Variants in NAV2 observed in about 807,000 individuals in gnomAD.
NAV2 encodes the protein helicase, APC down-regulated 1.
A neutral mutation model predicts 223.2 loss-of-function variants in NAV2; 54 were observed. That is an observed-to-expected ratio of 0.24 (90% CI 0.19 to 0.30). The LOEUF is 0.30. Among genes scored for constraint, NAV2 ranks in the 10% least tolerant of loss-of-function variants. The pLI is 1.00. For missense variants in NAV2, 2,806 were observed against 3,147.5 expected (o/e 0.89, Z 2.60); for synonymous variants, 1,279 against 1,239.3 (o/e 1.03, Z -0.67).
At position 20,119,984 on chromosome 11, in the gene NAV2, T is replaced by A. The variant is rs1474434770; in HGVS notation, c.*1726T>A. On this transcript the variant is annotated 3_prime_UTR_variant, in exon 38 of 38. Transcript: ENST00000349880. The stretch of plus-strand genomic sequence containing the variant: ...AACCCAGTCTGCTGTGTCTTCAACA[T>A]ACTGGTATTTTCATTACAAAGTATG... The A allele has an allele frequency of 6.6e-6, 1 of 152,240 alleles. No homozygotes were observed. Among genetic ancestry groups the A allele is most frequent in the Non-Finnish European group, 1.5e-5 (1 of 68,032 alleles). 9.4% of individuals were successfully genotyped at this position (152,240 alleles called of 1,614,324 possible). A position where few individuals can be genotyped will look rare whatever the true frequency, so the allele number is the denominator to read the frequency against.
chr11:19,656,672 C>A (rs1471461677), intron 1 of NAV2, among the ~76,000 whole-genome samples: 1 of 152,188 alleles, frequency 6.6e-6, no homozygotes, highest in East Asian at 1.9e-4. Flanking sequence ...GACCCAGCCA[C>A]ACCCACATCA....
chr11:19,651,946 C>A (rs1590038939), intron 1 of NAV2, among the ~76,000 whole-genome samples: 1 of 152,094 alleles, frequency 6.6e-6, no homozygotes. Flanking sequence ...TTTCTTTAAA[C>A]CTTGAAGGAT....
intron 1 of NAV2, among the ~76,000 whole-genome samples, chr11:19,598,463 C>A (rs762777728): frequency 6.6e-6 from 1 of 152,170 alleles, no homozygotes; most frequent in Non-Finnish European, 1.5e-5. Flanking sequence ...CCTATTGTAC[C>A]TGGGAAGCTA....
At chr11:20,007,229 T>G (rs1473311023) in intron 11 of NAV2, among the ~76,000 whole-genome samples, 1 of 152,218 alleles carries the variant, frequency 6.6e-6, no homozygotes, top group African/African-American at 2.4e-5. Flanking sequence ...GATTACAGAC[T>G]TGAGCCACTG....
chr11:20,079,422 A>G (rs188867568), intron 24 of NAV2, among the ~76,000 whole-genome samples: 7 of 152,310 alleles, frequency 4.6e-5, no homozygotes, highest in African/African-American at 1.7e-4. Context: ...CCCTACAACT[A>G]GTGTTCTCAA....
chr11:19,643,885 T>C (rs1428633963), intron 1 of NAV2, among the ~76,000 whole-genome samples: 1 of 152,238 alleles, frequency 6.6e-6, no homozygotes, highest in Admixed American at 6.5e-5. Flanking sequence ...TATCTCATTG[T>C]GGTTTTGATT....
At chr11:19,762,807 T>C (rs1328626382) in intron 1 of NAV2, among the ~76,000 whole-genome samples, 4 of 151,656 alleles carry the variant, frequency 2.6e-5, no homozygotes, top group Non-Finnish European at 5.9e-5. Flanking sequence ...AGAGACGGGG[T>C]TTCACCATGT....
At position 20,093,148 on chromosome 11, in the gene NAV2, C is replaced by T; in HGVS notation, c.5865C>T (p.Gly1955=). Residue 1955 remains glycine (G), a synonymous_variant, in exon 29 of 38, where the codon GGC becomes GGT. Transcript: ENST00000349880. ...TGECSARKEG[G]RHVKIVVSFQ... ...AATGCTCGGCTCGGAAGGAAGGAGGCAGGCATGTTAAGATAGTTGTCAGCT... is the reference window on the plus strand; with the variant it reads ...AATGCTCGGCTCGGAAGGAAGGAGGTAGGCATGTTAAGATAGTTGTCAGCT... 1 of 1,614,032 alleles carries T rather than the reference C, an allele frequency of 6.2e-7. No individual in the cohort carries two copies. The highest frequency in any genetic ancestry group is 8.5e-7 in the Non-Finnish European group (1 of 1,179,966).
chr11:20,016,504 A>T (rs186468570), intron 11 of NAV2, among the ~76,000 whole-genome samples: 10 of 152,374 alleles, frequency 6.6e-5, no homozygotes, highest in Admixed American at 4.6e-4. Flanking sequence ...TAACCAACAA[A>T]AGGTAACAGA....
chr11:19,696,632 T>C (rs1471220261), intron 1 of NAV2, among the ~76,000 whole-genome samples: 1 of 152,254 alleles, frequency 6.6e-6, no homozygotes, highest in African/African-American at 2.4e-5. Flanking sequence ...TTCTTGATGA[T>C]AGTGGCTGGC....
intron 1 of NAV2, among the ~76,000 whole-genome samples, chr11:19,461,390 T>C (rs1023573183): frequency 1.3e-5 from 2 of 152,234 alleles, no homozygotes; most frequent in African/African-American, 4.8e-5. Context: ...AACTTGGGTT[T>C]ATGCATAAGC....
At chr11:19,886,144 A>ATT (rs35749323) in intron 5 of NAV2, among the ~76,000 whole-genome samples, 77 of 143,598 alleles carry the variant, frequency 5.4e-4, no homozygotes, top group East Asian at 3.7e-3. Flanking sequence ...TACCCAGCTA[A>ATT]TTTTTTTTTT....
chr11:19,864,661 C>G (rs557386264), intron 3 of NAV2, among the ~76,000 whole-genome samples: 1 of 152,334 alleles, frequency 6.6e-6, no homozygotes, highest in Admixed American at 6.5e-5. Flanking sequence ...CCCTGCAAGT[C>G]TAAAGGTCAG....
chr11:19,855,019 C>T (rs548105769), intron 3 of NAV2, among the ~76,000 whole-genome samples: 1 of 152,206 alleles, frequency 6.6e-6, no homozygotes, highest in Non-Finnish European at 1.5e-5. Context: ...AGAACACTTC[C>T]TATTGTGTTC....
intron 5 of NAV2, among the ~76,000 whole-genome samples, chr11:19,887,442 A>G (rs1231453390): frequency 6.6e-6 from 1 of 152,022 alleles, no homozygotes; most frequent in East Asian, 1.9e-4. Flanking sequence ...CCACTTACTG[A>G]TGGTGTTACC....
chr11:19,696,406 A>C (rs923729272), intron 1 of NAV2, among the ~76,000 whole-genome samples: 3 of 152,248 alleles, frequency 2.0e-5, no homozygotes, highest in Admixed American at 2.0e-4. Flanking sequence ...TGACCTGCCC[A>C]AAAATCTATC....
intron 1 of NAV2, among the ~76,000 whole-genome samples, chr11:19,592,207 T>C (rs2046080519): frequency 6.6e-6 from 1 of 152,114 alleles, no homozygotes; most frequent in African/African-American, 2.4e-5. Flanking sequence ...TTCATCTGCA[T>C]CTTCCTCTGG....
rs199509637 is a variant in NAV2 at position 19,959,873 on chromosome 11, C to CT, written c.2645+10793_2645+10794insT. Among the ~76,000 whole-genome samples, 247 of 152,106 alleles carry CT rather than the reference C, an allele frequency of 1.6e-3. 2 individuals carry two copies. The Middle Eastern group carries it at 0.024, about 15-fold the overall frequency. On this transcript the variant is annotated intron_variant, in intron 10 of 37. Coordinates refer to ENST00000349880, the MANE Select transcript of NAV2 (RefSeq NM_145117.5). ...TTAGCAAGGTGCTCCTTCTTCCCCCCCCACCATCTGGACTGTCTGCTGTCT... is the reference window on the plus strand; with the variant it reads ...TTAGCAAGGTGCTCCTTCTTCCCCCCTCCACCATCTGGACTGTCTGCTGTCT...
rs1001134002 is a variant in NAV2, at chr11:19,713,251, G to A, written c.-445G>A. 31 of 944,916 alleles carry A rather than the reference G, an allele frequency of 3.3e-5. No individual in the cohort carries two copies. The highest frequency in any genetic ancestry group is 2.5e-4 in the South Asian group (5 of 20,312). 58.5% of individuals were successfully genotyped at this position (944,916 alleles called of 1,614,324 possible). On this transcript the variant is annotated 5_prime_UTR_variant, in exon 1 of 38. Coordinates refer to ENST00000349880, the MANE Select transcript of NAV2 (RefSeq NM_145117.5). The surrounding 1 kb of genome is among the most constrained non-coding windows in gnomAD (Gnocchi z 7.2). ...CTCTTTCTCTCGCCGGCTCAGACCC[G>A]TAGCCTCCGGAACGGGACTCGTGGG...
Sources: allele counts gnomAD v4.1 joint callset (sites outside exome capture counted in the v4.1 genomes callset), GRCh38; gene constraint gnomAD v4.1.1; non-coding constraint Gnocchi (gnomAD v3.1); transcripts MANE v1.5; gene names NCBI Gene and HGNC (gene_info 2026-07-23, HGNC 2026-07-21).